Variants in ZDHHC14 observed in about 807,000 individuals in gnomAD.
ZDHHC14 encodes the protein palmitoyltransferase ZDHHC14.
ZDHHC14 carries 16 observed loss-of-function variants against 47.7 expected under a neutral mutation model. That is an observed-to-expected ratio of 0.34 (90% CI 0.23 to 0.51). ZDHHC14 has a LOEUF of 0.51. Ranked by LOEUF, ZDHHC14 falls within the 20% of genes least tolerant of loss-of-function variation. The probability of loss-of-function intolerance (pLI) is 0.97; values close to 1 mark genes in which losing one functional copy is unlikely to be tolerated. For synonymous variants in ZDHHC14, 293 were observed against 278.9 expected, an observed-to-expected ratio of 1.05 and a Z score of -0.50; for missense variants, 515 against 662.5, an observed-to-expected ratio of 0.78 and a Z score of 2.44.
chr6:157,653,667 T>TA, intron 8 of ZDHHC14, 40 bp downstream of exon 8: 1 of 1,591,754 alleles, frequency 6.3e-7, no homozygotes, highest in Non-Finnish European at 8.6e-7. Context: ...GGGCTTCCCT[T>TA]TTGCTTGTGT....
intron 3 of ZDHHC14, among the ~76,000 whole-genome samples, chr6:157,594,414 C>T (rs1278083268): frequency 6.6e-6 from 1 of 152,118 alleles, no homozygotes; most frequent in African/African-American, 2.4e-5. Context: ...ACTGCATGGC[C>T]TGGGTTCAAA....
chr6:157,533,605 A>G (rs536508190), intron 1 of ZDHHC14, among the ~76,000 whole-genome samples: 2 of 152,338 alleles, frequency 1.3e-5, no homozygotes, highest in African/African-American at 4.8e-5. Flanking sequence ...AGATGAGGTC[A>G]AAGAGGTCAC....
intron 3 of ZDHHC14, among the ~76,000 whole-genome samples, chr6:157,617,013 C>G (rs998480439): frequency 2.0e-5 from 3 of 152,064 alleles, no homozygotes; most frequent in African/African-American, 4.8e-5. Context: ...CTTTTAGAGG[C>G]GGAAAGCCAA....
rs201483178 is a variant in ZDHHC14 at position 157,672,870 on chromosome 6, A to T, written c.1215A>T (p.Thr405=). The change falls in exon 9 of 9, where the codon ACA becomes ACT. Residue 405 remains threonine, a synonymous_variant. Transcript: ENST00000359775. ...PGLGTPCASL[T]LGPPTPPASM... The stretch of plus-strand genomic sequence containing the variant: ...TGGGCACGCCCTGCGCCAGCCTCAC[A>T]CTGGGCCCGCCCACACCGCCCGCCT... 7.0e-5 allele frequency: 112 copies of T among 1,608,534 alleles called. 1 individual carries two copies. In the East Asian group the frequency reaches 2.5e-3, roughly 35 times the overall value.
intron 2 of ZDHHC14, among the ~76,000 whole-genome samples, chr6:157,545,445 G>A (rs1781933452): frequency 6.6e-6 from 1 of 152,022 alleles, no homozygotes; most frequent in Non-Finnish European, 1.5e-5. Flanking sequence ...GGGAGGCCGA[G>A]GCAGGCAGAT....
chr6:157,652,134 T>A (rs1366518249), intron 7 of ZDHHC14, among the ~76,000 whole-genome samples: 1 of 152,204 alleles, frequency 6.6e-6, no homozygotes, highest in Non-Finnish European at 1.5e-5. Flanking sequence ...TCTTGTTGCC[T>A]GTTGTTTTTT....
intron 1 of ZDHHC14, among the ~76,000 whole-genome samples, chr6:157,493,332 G>A (rs906079774): frequency 5.3e-5 from 8 of 152,352 alleles, no homozygotes; most frequent in East Asian, 3.9e-4. Context: ...AAGGGCGAGC[G>A]GGACGGTCTG....
chr6:157,514,285 A>G (rs557110549), intron 1 of ZDHHC14, among the ~76,000 whole-genome samples: 14 of 152,282 alleles, frequency 9.2e-5, no homozygotes, highest in African/African-American at 3.4e-4. Context: ...TGCGGCCCAC[A>G]CTGTACCGTC....
intron 1 of ZDHHC14, among the ~76,000 whole-genome samples, chr6:157,512,648 G>A (rs1227887182): frequency 6.6e-6 from 1 of 152,088 alleles, no homozygotes; most frequent in Non-Finnish European, 1.5e-5. Flanking sequence ...TTCAAGACCT[G>A]CCTGGGCAAC....
chr6:157,389,380 A>C (rs1025713442), intron 1 of ZDHHC14, among the ~76,000 whole-genome samples: 2 of 152,222 alleles, frequency 1.3e-5, no homozygotes, highest in Admixed American at 6.5e-5. Context: ...ATACTTCTGC[A>C]TGTAATTTTT....
chr6:157,585,456 G>A (rs371977544), intron 2 of ZDHHC14, among the ~76,000 whole-genome samples: 34 of 149,966 alleles, frequency 2.3e-4, no homozygotes, highest in Admixed American at 9.3e-4. Flanking sequence ...ATTGAGTAGA[G>A]CAGGAACCCT....
chr6:157,537,113 C>A (rs1049885127), intron 1 of ZDHHC14, among the ~76,000 whole-genome samples: 1 of 55,710 alleles, frequency 1.8e-5, no homozygotes, highest in African/African-American at 5.6e-5. Flanking sequence ...CCACCGCGCC[C>A]GGCTCCATCT....
chr6:157,490,981 G>T (rs554487244), intron 1 of ZDHHC14, among the ~76,000 whole-genome samples: 1 of 152,284 alleles, frequency 6.6e-6, no homozygotes, highest in South Asian at 2.1e-4. Flanking sequence ...GCAGAGGAGA[G>T]GTATTAGGGA....
rs1784040030 is a variant in ZDHHC14 at position 157,594,470 on chromosome 6, G to A, written c.565+1324G>A. On this transcript the variant is annotated intron_variant, in intron 3 of 8. Coordinates refer to ENST00000359775, the MANE Select transcript of ZDHHC14 (RefSeq NM_024630.3). ...AGGTACTGAAACGCTGTGTGCCTCA[G>A]TTTCGTCATCTCTGCGGTGGGGTTG... is the stretch of plus-strand genomic sequence containing the variant. Among the ~76,000 whole-genome samples, 4 of 152,296 alleles carry A rather than the reference G, an allele frequency of 2.6e-5. 1 individual carries two copies. In the South Asian group the frequency reaches 8.3e-4, roughly 32 times the overall value.
At position 157,430,083 on chromosome 6, in the gene ZDHHC14, G is replaced by A. The variant is rs199977944; in HGVS notation, c.245+47817G>A. On this transcript the variant is annotated intron_variant, in intron 1 of 8. Transcript: ENST00000359775. ...CACACATTTATCACTTTGGGAGGCC[G>A]AGGCAGGCAGATCACGAGGTCAAGA... is the stretch of plus-strand genomic sequence containing the variant. 1.8e-4 allele frequency among the ~76,000 whole-genome samples: 27 copies of A among 152,206 alleles called. No homozygotes were observed. The East Asian group carries it at 4.1e-3, about 23-fold the overall frequency.
At chr6:157,520,671 A>G (rs918902537) in intron 1 of ZDHHC14, among the ~76,000 whole-genome samples, 1 of 152,256 alleles carries the variant, frequency 6.6e-6, no homozygotes, top group African/African-American at 2.4e-5. Context: ...TACCATTTCT[A>G]TAGAATGTCT....
At chr6:157,389,656 A>C (rs1777382538) in intron 1 of ZDHHC14, among the ~76,000 whole-genome samples, 1 of 152,076 alleles carries the variant, frequency 6.6e-6, no homozygotes, top group African/African-American at 2.4e-5. Flanking sequence ...TATTTTTATT[A>C]ATTGCTTAAG....
intron 1 of ZDHHC14, among the ~76,000 whole-genome samples, chr6:157,490,839 G>T (rs1309614562): frequency 6.6e-6 from 1 of 152,228 alleles, no homozygotes; most frequent in Non-Finnish European, 1.5e-5. Context: ...TCTGCCAGTT[G>T]TTGAATGCCT....
intron 1 of ZDHHC14, among the ~76,000 whole-genome samples, chr6:157,540,932 A>G (rs2114801729): frequency 6.9e-6 from 1 of 145,054 alleles, no homozygotes; most frequent in East Asian, 2.0e-4. Context: ...ATATATATAT[A>G]TAATTTCATA....
Sources: allele counts gnomAD v4.1 joint callset (sites outside exome capture counted in the v4.1 genomes callset), GRCh38; gene constraint gnomAD v4.1.1; transcripts MANE v1.5; gene names NCBI Gene and HGNC (gene_info 2026-07-23, HGNC 2026-07-21).